The following FAT2 variants were observed in gnomAD, a reference collection of about 807,000 sequenced individuals.
FAT2 encodes the protein protocadherin Fat 2.
FAT2 carries 150 observed loss-of-function variants against 295.3 expected under a neutral mutation model. The ratio of observed to expected loss-of-function variants is 0.51; its 90% CI spans 0.44 to 0.58. The LOEUF is 0.58. Among genes scored for constraint, FAT2 ranks in the 20% least tolerant of loss-of-function variants. FAT2 has a pLI of 0.00. For synonymous variants in FAT2, 2,026 were observed against 2,150.3 expected, an observed-to-expected ratio of 0.94 and a Z score of 1.60; for missense variants, 4,868 against 5,442.7, an observed-to-expected ratio of 0.89 and a Z score of 3.32.
chr5:151,565,647 A>ACGGCCCCCCC, intron 2 of FAT2, 26 bp downstream of exon 2: 13 of 1,461,024 alleles, frequency 8.9e-6, no homozygotes, highest in East Asian at 2.4e-5. Flanking sequence ...TGGCCCTGGC[A>ACGGCCCCCCC]CCCCACCCTA....
intron 9 of FAT2, among the ~76,000 whole-genome samples, chr5:151,547,593 C>A (rs905376632): frequency 2.0e-5 from 3 of 152,200 alleles, no homozygotes; most frequent in Non-Finnish European, 4.4e-5. Context: ...ACCTTTGAAG[C>A]CCTTCTCCAG....
Position 151,507,590 on chromosome 5 carries a change from A to G in FAT2, c.12081T>C (p.Gly4027=), listed in dbSNP as rs1342220655. 1 of 1,607,186 alleles carries G rather than the reference A, an allele frequency of 6.2e-7. No individual in the cohort carries two copies. The highest frequency in any genetic ancestry group is 2.2e-5 in the East Asian group (1 of 44,596). The change falls in exon 23 of 24, where the codon GGT becomes GGC. Residue 4027 remains glycine (G), a synonymous_variant. Transcript: ENST00000261800. ...TGACTAGGCAGTGTCCTTCTGAACA[A>G]CCCCTCGCCTCCATTTCACACCTGC... The part of the protein sequence containing the change: ...TGDRCEMEAR[G]CSEGHCLVTP...
chr5:151,546,878 A>C (rs1288284724), intron 9 of FAT2, among the ~76,000 whole-genome samples: 4 of 152,112 alleles, frequency 2.6e-5, no homozygotes, highest in Non-Finnish European at 5.9e-5. Flanking sequence ...GTGCCTGGCT[A>C]CATTTTTAAT....
chr5:151,539,312 A>G (rs1755857743), intron 11 of FAT2, among the ~76,000 whole-genome samples: 1 of 152,328 alleles, frequency 6.6e-6, no homozygotes, highest in East Asian at 1.9e-4. Flanking sequence ...AGATATATGT[A>G]TTTATGTGTG....
intron 1 of FAT2, among the ~76,000 whole-genome samples, chr5:151,583,705 C>G (rs1309861870): frequency 6.6e-6 from 1 of 152,022 alleles, no homozygotes; most frequent in Non-Finnish European, 1.5e-5. Flanking sequence ...TTAAAAAGTT[C>G]TTTTTTTAGG....
At position 151,556,335 on chromosome 5, in the gene FAT2, A is replaced by G. The variant is rs1326934821; in HGVS notation, c.3633+9T>C. The G allele has an allele frequency of 2.2e-5, 35 of 1,612,888 alleles. No homozygotes were observed. Among genetic ancestry groups the G allele is most frequent in the Non-Finnish European group, 2.9e-5 (34 of 1,178,906 alleles). On this transcript the variant is annotated intron_variant, in intron 4 of 23. Transcript: ENST00000261800. ...AATCACCACAAATGGATTCACCACC[A>G]TTACTTACCTCCAGGATGTGTTCAT...
In FAT2 at chr5:151,543,287, C is replaced by T. The variant is rs1488767591; in HGVS notation, c.7840G>A (p.Glu2614Lys). The change falls in exon 10 of 24, where the codon GAA (glutamate) becomes AAA (lysine). Residue 2614 changes from glutamate (E) to lysine (K), a missense_variant. Glu to Lys is a moderately conservative substitution (Grantham distance 56). Transcript: ENST00000261800. ...TAGGTGACATCTGCGTTCTGACCTT[C>T]ATCTGCATCATAGGCCAACACCTGG... ...VIQVLAYDAD[E>K]GQNADVTYSV... is the part of the protein sequence containing the mutation. The T allele has an allele frequency of 2.5e-6, 4 of 1,614,210 alleles. No homozygotes were observed. The highest frequency in any genetic ancestry group is 3.4e-6 in the Non-Finnish European group (4 of 1,180,038).
chr5:151,554,478 C>T lies in FAT2; in HGVS notation c.3829G>A (p.Gly1277Ser), dbSNP rs1757512200. The T allele has an allele frequency of 6.2e-7, 1 of 1,614,096 alleles. No individual in the cohort carries two copies. Among genetic ancestry groups the T allele is most frequent in the South Asian group, 1.1e-5 (1 of 91,084 alleles). The change falls in exon 5 of 24, where the codon GGC becomes AGC. Residue 1277 changes from glycine to serine, a missense_variant. By Grantham distance (56) the Gly-to-Ser change is moderately conservative. Transcript: ENST00000261800. ...VASDLDEGLN[G>S]RVTYSIEDSD... The stretch of plus-strand genomic sequence containing the variant: ...TCCTCGATACTGTAGGTGACTCTGC[C>T]ATTAAGACCCTCATCCAGGTCTGAA...
At chr5:151,523,328 CATAG>C (rs544276570) in intron 18 of FAT2, among the ~76,000 whole-genome samples, 110 of 152,228 alleles carry the variant, frequency 7.2e-4, no homozygotes, top group Non-Finnish European at 9.4e-4. Context: ...TAGTCATTAT[CATAG>C]ATAAACTATG....
Position 151,567,146 on chromosome 5 carries a change from T to A in FAT2, c.1786A>T (p.Asn596Tyr). Residue 596 changes from asparagine (N) to tyrosine (Y), a missense_variant, in exon 2 of 24, where the codon AAC (asparagine) becomes TAC (tyrosine). By Grantham distance (143) the Asn-to-Tyr change is moderately radical (BLOSUM62 -2). Around this residue, in one of 5 missense-constraint regions of FAT2, gnomAD observed 3,297 missense variants for 3,669.4 expected, o/e 0.90. Transcript: ENST00000261800. ...CCTGATACAATCTCGTATTTTAGGT[T>A]CTGAAGCTCATCCACATCTATGGCT... is the stretch of plus-strand genomic sequence containing the variant. ...MSAIDVDELQ[N>Y]LKYEIVSGNE... is the part of the protein sequence containing the mutation. 1 of 1,614,208 alleles carries A rather than the reference T, an allele frequency of 6.2e-7. No homozygotes were observed. The highest frequency in any genetic ancestry group is 2.2e-5 in the East Asian group (1 of 44,888).
intron 3 of FAT2, among the ~76,000 whole-genome samples, chr5:151,562,497 G>A (rs1758061472): frequency 1.3e-5 from 2 of 152,178 alleles, no homozygotes; most frequent in African/African-American, 4.8e-5. Context: ...CAGGCTGGGA[G>A]TAACACAACA....
chr5:151,537,651 A>G (rs1446023517), intron 12 of FAT2, 142 bp downstream of exon 12: 3 of 756,658 alleles, frequency 4.0e-6, no homozygotes, highest in Non-Finnish European at 4.2e-6. Flanking sequence ...CCCCAGTACA[A>G]TGCTTGGCAC....
chr5:151,593,401 C>T (rs1759489161), upstream of FAT2, among the ~76,000 whole-genome samples: 1 of 152,112 alleles, frequency 6.6e-6, no homozygotes, highest in African/African-American at 2.4e-5. Flanking sequence ...GATTTCAGAG[C>T]CTCTTAAGGC....
chr5:151,558,462 A>G (rs1193855759), intron 3 of FAT2, among the ~76,000 whole-genome samples: 2 of 151,958 alleles, frequency 1.3e-5, no homozygotes, highest in East Asian at 1.9e-4. Flanking sequence ...CTAAAAATAC[A>G]AAAAAAATTA....
rs772776375 is a variant in FAT2 at position 151,546,076 on chromosome 5, G to A, written c.5051C>T (p.Ala1684Val). The change falls in exon 10 of 24, where the codon GCT becomes GTT. Residue 1684 changes from alanine (A) to valine (V), a missense_variant. Coordinates refer to ENST00000261800, the MANE Select transcript of FAT2 (RefSeq NM_001447.3). ...PVGSPILLVS[A>V]MSPSEVTYEL... ...ATAGGTAACTTCAGAGGGGCTCATA[G>A]CAGAGACAAGGAGGATTGGGGAACC... is the stretch of plus-strand genomic sequence containing the variant. 1.2e-6 allele frequency: 2 copies of A among 1,614,180 alleles called. No individual in the cohort carries two copies. Among genetic ancestry groups the A allele is most frequent in the Admixed American group, 1.7e-5 (1 of 60,022 alleles).
In FAT2 at chr5:151,543,715, G is replaced by C. The variant is rs1157752028; in HGVS notation, c.7412C>G (p.Thr2471Ser). The change falls in exon 10 of 24, where the codon ACT becomes AGT. Residue 2471 changes from threonine to serine, a missense_variant. Thr to Ser is a moderately conservative substitution (Grantham distance 58). Transcript: ENST00000261800. ...TGGGCTGTACTTGTTGGCATTTGTA[G>C]TGTTGATGTACACAGGCACAGTTGC... ...FRATVPVYIN[T>S]TNANKYSPEF... 1.2e-6 allele frequency: 2 copies of C among 1,614,058 alleles called. No homozygotes were observed. The highest frequency in any genetic ancestry group is 1.7e-6 in the Non-Finnish European group (2 of 1,180,048).
intron 12 of FAT2, among the ~76,000 whole-genome samples, chr5:151,537,344 AAAAG>A (rs1417183249): frequency 1.2e-4 from 10 of 84,566 alleles, no homozygotes; most frequent in African/African-American, 2.9e-4. Context: ...AAAAGAAAAG[AAAAG>A]AAAAAAGAAG....
chr5:151,529,274 G>A lies in FAT2; in HGVS notation c.9930C>T (p.Asn3310=), dbSNP rs73272071. 4.2e-4 allele frequency: 682 copies of A among 1,614,118 alleles called. 7 individuals are homozygous for A. In the African/African-American group the frequency reaches 8.0e-3, roughly 19 times the overall value. The stretch of plus-strand genomic sequence containing the variant: ...GCCGGTGTTCATTGACATCAGTGAT[G>A]TTGACCATGACTGTGGTCACGTCAC... The part of the protein sequence containing the change: ...SLSDVTTVMV[N]ITDVNEHRPQ... Residue 3310 remains asparagine, a synonymous_variant, in exon 15 of 24, where the codon AAC becomes AAT. Coordinates refer to ENST00000261800, the MANE Select transcript of FAT2 (RefSeq NM_001447.3).
chr5:151,570,810 G>T lies in FAT2; in HGVS notation c.-20-1859C>A, dbSNP rs183708851. 2.1e-3 allele frequency among the ~76,000 whole-genome samples: 316 copies of T among 152,352 alleles called. 1 individual carries two copies. The highest frequency in any genetic ancestry group is 7.3e-3 in the African/African-American group (302 of 41,580). On this transcript the variant is annotated intron_variant, in intron 1 of 23. Coordinates refer to ENST00000261800, the MANE Select transcript of FAT2 (RefSeq NM_001447.3). The stretch of plus-strand genomic sequence containing the variant: ...AGAGTTAAACTTCCAAGGCAAAGGG[G>T]GAAGGAGAGGCTTGGAGCCCCGTCT...
Sources: gnomAD v4.1 joint callset for allele counts (sites outside exome capture counted in the v4.1 genomes callset) on GRCh38, gnomAD v4.1.1 for gene constraint, gnomAD v4.1.1 regional missense constraint, MANE v1.5 for transcripts, NCBI Gene and HGNC (gene_info 2026-07-23, HGNC 2026-07-21) for gene names.